The following HFM1 variants were observed in gnomAD, a reference collection of about 807,000 sequenced individuals.
The protein encoded by HFM1 is probable ATP-dependent DNA helicase HFM1.
HFM1 carries 169 observed loss-of-function variants against 192.1 expected under a neutral mutation model. The ratio of observed to expected loss-of-function variants is 0.88; its 90% CI spans 0.78 to 1.00. The LOEUF is 1.00. Among genes scored for constraint, HFM1 ranks in the 50% least tolerant of loss-of-function variants. HFM1 has a pLI of 0.00. For missense variants in HFM1, 1,661 were observed against 1,668.0 expected, an observed-to-expected ratio of 1.00 and a Z score of 0.07; for synonymous variants, 525 against 537.8, an observed-to-expected ratio of 0.98 and a Z score of 0.33.
chr1:91,291,824 T>A (rs1353677637), intron 30 of HFM1, among the ~76,000 whole-genome samples: 2 of 152,006 alleles, frequency 1.3e-5, no homozygotes, highest in Non-Finnish European at 2.9e-5. Context: ...GCAAACCGAA[T>A]CCAGCAGCAC....
At chr1:91,337,220 C>T (rs1021629838) in intron 20 of HFM1, among the ~76,000 whole-genome samples, 4 of 152,106 alleles carry the variant, frequency 2.6e-5, no homozygotes, top group Non-Finnish European at 4.4e-5. Flanking sequence ...GCTCATATAC[C>T]AGAACAGTTG....
intron 6 of HFM1, among the ~76,000 whole-genome samples, 188 bp from the exon 7 acceptor site, chr1:91,381,170 G>A (rs1023168894): frequency 2.9e-4 from 44 of 152,070 alleles, no homozygotes; most frequent in Non-Finnish European, 2.6e-4. Flanking sequence ...TCCATATTCT[G>A]AAAAGAATTT....
intron 13 of HFM1, among the ~76,000 whole-genome samples, chr1:91,366,368 T>C (rs1030726094): frequency 3.3e-5 from 5 of 152,168 alleles, no homozygotes; most frequent in African/African-American, 7.2e-5. Flanking sequence ...AGAGTTAAGT[T>C]TATGAGCAAG....
intron 20 of HFM1, among the ~76,000 whole-genome samples, chr1:91,335,194 A>G (rs1442376394): frequency 1.3e-5 from 2 of 152,184 alleles, no homozygotes; most frequent in Non-Finnish European, 2.9e-5. Flanking sequence ...CAGGCTCTCA[A>G]TTAGGATCCT....
At chr1:91,293,966 G>A (rs1319884784) in intron 30 of HFM1, among the ~76,000 whole-genome samples, 4 of 147,520 alleles carry the variant, frequency 2.7e-5, no homozygotes, top group African/African-American at 5.0e-5. Context: ...ACCAAACACC[G>A]CATATTCTCA....
intron 30 of HFM1, among the ~76,000 whole-genome samples, chr1:91,290,816 G>A (rs1262881242): frequency 1.3e-5 from 2 of 151,918 alleles, no homozygotes; most frequent in East Asian, 3.9e-4. Context: ...GCTCTCCTCA[G>A]CAAATGTAAA....
At chr1:91,262,118 G>A (rs1665217323) in intron 38 of HFM1, 123 bp downstream of exon 38, 1 of 488,096 alleles carries the variant, frequency 2.0e-6, no homozygotes, top group Admixed American at 3.9e-5. Flanking sequence ...AAATTTTAAT[G>A]TCTTTAATAA....
intron 13 of HFM1, among the ~76,000 whole-genome samples, chr1:91,367,501 A>C (rs1315106345): frequency 1.3e-5 from 2 of 152,168 alleles, no homozygotes; most frequent in African/African-American, 4.8e-5. Flanking sequence ...CAGGGTCTGG[A>C]GTGGACCTCC....
chr1:91,266,043 G>C lies in HFM1; in HGVS notation c.3948C>G (p.Ser1316Arg). Residue 1316 changes from serine (S) to arginine (R), a missense_variant, in exon 36 of 39, where the codon AGC (serine) becomes AGG (arginine). By Grantham distance (110) the Ser-to-Arg change is moderately radical. Coordinates refer to ENST00000370425, the MANE Select transcript of HFM1 (RefSeq NM_001017975.6). Reference protein sequence around the residue: ...GSKLPLQESKSKFQREMSNSF... With the variant: ...GSKLPLQESKRKFQREMSNSF... ...TGTTTGACATTTCTCTTTGGAATTT[G>C]CTCTTTGACTCTTGAAGGGGTAGCT... The C allele has an allele frequency of 6.3e-7, 1 of 1,580,846 alleles. No individual in the cohort carries two copies.
At position 91,350,860 on chromosome 1, in the gene HFM1, T is replaced by A. The variant is rs201222024; in HGVS notation, c.2084A>T (p.His695Leu). 4 of 1,584,092 alleles carry A rather than the reference T, an allele frequency of 2.5e-6. No individual in the cohort carries two copies. The African/African-American group carries it at 4.0e-5, about 16-fold the overall frequency. The change falls in exon 18 of 39, where the codon CAT becomes CTT. Residue 695 changes from histidine to leucine, a missense_variant. His to Leu is a moderately conservative substitution (Grantham distance 99). Transcript: ENST00000370425. ...CTCTGCATTTAAATGTTCAATAAGATGTCTGTGCAAACTAATGAAAAAAAA... is the reference window on the plus strand; with the variant it reads ...CTCTGCATTTAAATGTTCAATAAGAAGTCTGTGCAAACTAATGAAAAAAAA... ...RDTVESSLHR[H>L]LIEHLNAEIV...
At chr1:91,303,710 G>A (rs890095265) in intron 30 of HFM1, among the ~76,000 whole-genome samples, 1 of 152,194 alleles carries the variant, frequency 6.6e-6, no homozygotes, top group Non-Finnish European at 1.5e-5. Flanking sequence ...ACCCTACTGA[G>A]TGGGAAGTGG....
Position 91,396,410 on chromosome 1 carries a change from A to G in HFM1, c.72-5T>C. The G allele has an allele frequency of 7.0e-7, 1 of 1,424,966 alleles. No homozygotes were observed. Among genetic ancestry groups the G allele is most frequent in the Non-Finnish European group, 9.8e-7 (1 of 1,023,674 alleles). The allele number at this position is 1,424,966 out of a possible 1,614,324, so 88.3% of individuals were successfully genotyped here. Reference sequence around the variant, plus strand: ...GACTTTTCATTGTCTGGATGGCTATATAAAATATAAAAATGTGAGTATATA... The same window carrying G: ...GACTTTTCATTGTCTGGATGGCTATGTAAAATATAAAAATGTGAGTATATA... On this transcript the variant is annotated splice_region_variant and splice_polypyrimidine_tract_variant and intron_variant, in intron 2 of 38. Coordinates refer to ENST00000370425, the MANE Select transcript of HFM1 (RefSeq NM_001017975.6).
chr1:91,400,454 T>C (rs1486624296), intron 2 of HFM1, among the ~76,000 whole-genome samples: 1 of 151,396 alleles, frequency 6.6e-6, no homozygotes, highest in Non-Finnish European at 1.5e-5. Context: ...GAAATACAAA[T>C]AAATGCAAGC....
intron 13 of HFM1, among the ~76,000 whole-genome samples, chr1:91,367,335 C>T (rs1262464414): frequency 6.6e-6 from 1 of 152,180 alleles, no homozygotes; most frequent in Non-Finnish European, 1.5e-5. Flanking sequence ...ACCCCCAAGC[C>T]TAACTGAGAG....
intron 30 of HFM1, among the ~76,000 whole-genome samples, chr1:91,296,340 A>G (rs1419123356): frequency 6.6e-6 from 1 of 152,186 alleles, no homozygotes; most frequent in Non-Finnish European, 1.5e-5. Flanking sequence ...TATTATTTGT[A>G]GGTGTATTTC....
In HFM1 at chr1:91,380,229, T is replaced by G. The variant is rs1335432953; in HGVS notation, c.881A>C (p.Tyr294Ser). 1 of 1,534,674 alleles carries G rather than the reference T, an allele frequency of 6.5e-7. No individual in the cohort carries two copies. The highest frequency in any genetic ancestry group is 2.1e-5 in the Admixed American group (1 of 48,258). The stretch of plus-strand genomic sequence containing the variant: ...ACAAATCACAAAATTCCTATCTGTG[T>G]AAAGAAGCTAAAAAATAAAAAGTAA... ...IQSKAFDDLL[Y>S]TDRNFVICAP... The change falls in exon 8 of 39, where the codon TAC (tyrosine) becomes TCC (serine). Residue 294 changes from tyrosine to serine, a missense_variant. Physicochemically the swap from Tyr to Ser is moderately radical, Grantham distance 144 (BLOSUM62 -2). Coordinates refer to ENST00000370425, the MANE Select transcript of HFM1 (RefSeq NM_001017975.6).
At chr1:91,387,778 A>AG (rs1302970819) in intron 4 of HFM1, among the ~76,000 whole-genome samples, 3 of 58,896 alleles carry the variant, frequency 5.1e-5, no homozygotes, top group Non-Finnish European at 3.3e-5. Flanking sequence ...GGGTCGGGGG[A>AG]GGGGGGAGGG....
intron 3 of HFM1, among the ~76,000 whole-genome samples, chr1:91,395,451 TG>T (rs1176391798): frequency 1.3e-5 from 2 of 152,140 alleles, no homozygotes; most frequent in Non-Finnish European, 1.5e-5. Context: ...ATTTTGTTTT[TG>T]GGGGTATGTA....
chr1:91,305,215 A>G (rs1649425278), intron 30 of HFM1, among the ~76,000 whole-genome samples: 1 of 152,234 alleles, frequency 6.6e-6, no homozygotes, highest in Admixed American at 6.5e-5. Context: ...AACTACAGCT[A>G]GGATTTTGAT....
Sources: gnomAD v4.1 joint callset for allele counts (sites outside exome capture counted in the v4.1 genomes callset) on GRCh38, gnomAD v4.1.1 for gene constraint, MANE v1.5 for transcripts, NCBI Gene and HGNC (gene_info 2026-07-23, HGNC 2026-07-21) for gene names.